The following GCKR variants were observed in gnomAD, a reference collection of about 807,000 sequenced individuals.
GCKR encodes glucokinase regulatory protein.
In GCKR, 73 loss-of-function variants were observed where a neutral mutation model predicts 82.9. The observed-to-expected ratio is 0.88, with a 90% CI of 0.73 to 1.07. The LOEUF (loss-of-function observed/expected upper bound fraction) is 1.07, where lower values mean the gene tolerates loss of function less well. Ranked by LOEUF, GCKR falls within the 50% of genes least tolerant of loss-of-function variation. GCKR has a pLI of 0.00. For missense variants in GCKR, 784 were observed against 782.1 expected (o/e 1.00, Z -0.03); for synonymous variants, 294 against 291.8 (o/e 1.01, Z -0.08).
rs767008458 is a variant in GCKR at position 27,506,512 on chromosome 2, C to T, written c.901C>T (p.Arg301Ter). The change falls in exon 11 of 19, where the codon CGA becomes TGA. Residue 301 changes from arginine to a stop codon, truncating the protein, a stop_gained. Transcript: ENST00000264717. LOFTEE classifies it high-confidence loss of function. ...CLLEILRTFE[R>*]AHQVTYSQSP... Reference sequence around the variant, plus strand: ...CCTGGAAATCTTGCGGACATTTGAGCGAGCTCATCAGGTGACCTACAGCCA... The same window carrying T: ...CCTGGAAATCTTGCGGACATTTGAGTGAGCTCATCAGGTGACCTACAGCCA... 1.2e-5 allele frequency: 20 copies of T among 1,613,716 alleles called. No homozygotes were observed. The highest frequency in any genetic ancestry group is 8.8e-5 in the South Asian group (8 of 91,082).
rs571568249 is a variant in GCKR at position 27,497,584 on chromosome 2, T to C, written c.239T>C (p.Leu80Pro). 107 of 1,613,128 alleles carry C rather than the reference T, an allele frequency of 6.6e-5. 1 individual carries two copies. In the South Asian group the frequency reaches 1.0e-3, roughly 16 times the overall value. Reference sequence around the variant, plus strand: ...CAGAGACTCTACAGCGAATCCATTCTGACCACCATGGTACAGGTGGCTGGG... The same window carrying C: ...CAGAGACTCTACAGCGAATCCATTCCGACCACCATGGTACAGGTGGCTGGG... Reference protein sequence around the residue: ...TYQRLYSESILTTMVQVAGKV... With the variant: ...TYQRLYSESIPTTMVQVAGKV... Residue 80 changes from leucine to proline, a missense_variant, in exon 3 of 19, where the codon CTG becomes CCG. Leu to Pro is a moderately conservative substitution (Grantham distance 98, BLOSUM62 -3). Transcript: ENST00000264717.
chr2:27,507,767 C>A lies in GCKR; in HGVS notation c.1230C>A (p.Phe410Leu), dbSNP rs1043525010. 1.8e-5 allele frequency: 29 copies of A among 1,577,820 alleles called. No individual in the cohort carries two copies. The highest frequency in any genetic ancestry group is 2.4e-5 in the Non-Finnish European group (27 of 1,146,940). ...LTEIDTVVFIFTLDDNLTEVQ... is the reference protein window; with the variant it reads ...LTEIDTVVFILTLDDNLTEVQ... ...AAATCGATACTGTGGTCTTCATTTT[C>A]ACCCTGGATGGTGAGAGGGAAGATG... The change falls in exon 14 of 19, where the codon TTC becomes TTA. Residue 410 changes from phenylalanine to leucine, a missense_variant. Physicochemically the swap from Phe to Leu is conservative, Grantham distance 22. Coordinates refer to ENST00000264717, the MANE Select transcript of GCKR (RefSeq NM_001486.4).
Position 27,507,861 on chromosome 2 carries a change from G to T in GCKR, c.1240+84G>T, listed in dbSNP as rs557660645. 39 of 1,140,156 alleles carry T rather than the reference G, an allele frequency of 3.4e-5. No individual in the cohort carries two copies. The East Asian group carries it at 7.0e-4, about 21-fold the overall frequency. The allele number at this position is 1,140,156 out of a possible 1,614,324, so 70.6% of individuals were successfully genotyped here. ...GAGCTGTTGTTTTTCTGGGTCTTAGGGTACCTGCTCAGAGGGAGGGACGGG... is the reference window on the plus strand; with the variant it reads ...GAGCTGTTGTTTTTCTGGGTCTTAGTGTACCTGCTCAGAGGGAGGGACGGG... On this transcript the variant is annotated intron_variant, in intron 14 of 18. Transcript: ENST00000264717.
intron 16 of GCKR, among the ~76,000 whole-genome samples, chr2:27,515,890 A>G (rs1488552634): frequency 6.6e-6 from 1 of 150,876 alleles, no homozygotes; most frequent in Non-Finnish European, 1.5e-5. Context: ...CAGCCTCCCA[A>G]GTAGCTGGGA....
At chr2:27,511,789 G>A (rs138441260) in intron 16 of GCKR, among the ~76,000 whole-genome samples, 54 of 151,756 alleles carry the variant, frequency 3.6e-4, no homozygotes, top group African/African-American at 1.2e-3. Context: ...TTTGCCTTCC[G>A]AAGTGACAGT....
rs563780879 is a variant in GCKR, at chr2:27,523,562, C to G, written c.*123C>G. 3 of 933,794 alleles carry G rather than the reference C, an allele frequency of 3.2e-6. No individual in the cohort carries two copies. The African/African-American group carries it at 4.8e-5, about 15-fold the overall frequency. The allele number at this position is 933,794 out of a possible 1,614,324, so 57.8% of individuals were successfully genotyped here. A position where few individuals can be genotyped will look rare whatever the true frequency, so the allele number is the denominator to read the frequency against. ...AGCCCCGTTTCCAGGGCATCCGCAG[C>G]CCAGGGTAGGGAGAAATATTCTCTC... On this transcript the variant is annotated 3_prime_UTR_variant, in exon 19 of 19. Coordinates refer to ENST00000264717, the MANE Select transcript of GCKR (RefSeq NM_001486.4).
intron 4 of GCKR, 122 bp from the exon 5 acceptor site, chr2:27,498,602 G>C: frequency 1.4e-6 from 1 of 740,652 alleles, no homozygotes; most frequent in South Asian, 1.5e-5. Context: ...TTCCATGTAG[G>C]ACTGGGTTAA....
chr2:27,498,574 G>T, intron 4 of GCKR, 150 bp from the exon 5 acceptor site: 2 of 702,660 alleles, frequency 2.8e-6, no homozygotes, highest in Non-Finnish European at 2.6e-6. Context: ...TCTCCAAGTA[G>T]CAGCTTTAAG....
At chr2:27,499,576 G>A in intron 7 of GCKR, 126 bp downstream of exon 7, 3 of 813,854 alleles carry the variant, frequency 3.7e-6, no homozygotes, top group Admixed American at 3.5e-5. Flanking sequence ...AGGAATTTTG[G>A]TTTTAGTTTC....
At chr2:27,500,186 G>A (rs1039033301) in intron 7 of GCKR, among the ~76,000 whole-genome samples, 6 of 152,074 alleles carry the variant, frequency 3.9e-5, no homozygotes, top group African/African-American at 1.4e-4. Flanking sequence ...CTCCTCCCAG[G>A]TTCAAGCGAT....
intron 16 of GCKR, among the ~76,000 whole-genome samples, chr2:27,515,765 A>ATATTT (rs1286679766): frequency 9.4e-6 from 1 of 106,930 alleles, no homozygotes; most frequent in African/African-American, 3.8e-5. Context: ...ATATATATAT[A>ATATTT]TTTTTTTTTT....
intron 10 of GCKR, 58 bp from the exon 11 acceptor site, chr2:27,506,423 C>T: frequency 8.7e-7 from 1 of 1,151,598 alleles, no homozygotes; most frequent in Non-Finnish European, 1.3e-6. Context: ...CAGGGAGGCA[C>T]CTAAGCTTTC....
intron 5 of GCKR, among the ~76,000 whole-genome samples, 167 bp downstream of exon 5, chr2:27,498,964 T>C (rs1197383145): frequency 6.6e-6 from 1 of 152,212 alleles, no homozygotes; most frequent in Non-Finnish European, 1.5e-5. Flanking sequence ...CCTGACTGGC[T>C]GTTGTAGGTA....
intron 5 of GCKR, 27 bp downstream of exon 5, chr2:27,498,824 T>A (rs780716821): frequency 2.3e-6 from 3 of 1,277,794 alleles, no homozygotes; most frequent in Non-Finnish European, 3.4e-6. Context: ...TATGAATATT[T>A]TGTTTGACCT....
At chr2:27,519,018 T>C (rs897186939) in intron 17 of GCKR, 81 bp downstream of exon 17, 13 of 1,294,756 alleles carry the variant, frequency 1.0e-5, no homozygotes, top group Admixed American at 1.7e-5. Flanking sequence ...TGTAGAGATA[T>C]GGAAATGTGC....
Position 27,522,461 on chromosome 2 carries a change from G to A in GCKR, c.1574G>A (p.Arg525Gln), listed in dbSNP as rs779275902. ...LFWRALAMLQ[R>Q]FSGQSKARCI... ...CTGATCTTACCACTTCTTCCTTAGC[G>A]GTTCTCTGGACAGTCCAAGGCTCGA... The change falls in exon 18 of 19, where the codon CGG becomes CAG. Residue 525 changes from arginine to glutamine, a missense_variant and splice_region_variant. Arg to Gln is a conservative substitution (Grantham distance 43). Coordinates refer to ENST00000264717, the MANE Select transcript of GCKR (RefSeq NM_001486.4). 2.8e-5 allele frequency: 45 copies of A among 1,613,690 alleles called. 1 individual carries two copies. In the South Asian group the frequency reaches 3.1e-4, roughly 11 times the overall value.
Position 27,523,200 on chromosome 2 carries a change from T to G in GCKR, c.1708-69T>G, listed in dbSNP as rs1203025077. The G allele has an allele frequency of 2.2e-6, 3 of 1,391,930 alleles. No individual in the cohort carries two copies. In the African/African-American group the frequency reaches 4.2e-5, roughly 20 times the overall value. The allele number at this position is 1,391,930 out of a possible 1,614,324, so 86.2% of individuals were successfully genotyped here. A position where few individuals can be genotyped will look rare whatever the true frequency, so the allele number is the denominator to read the frequency against. On this transcript the variant is annotated intron_variant, in intron 18 of 18. Coordinates refer to ENST00000264717, the MANE Select transcript of GCKR (RefSeq NM_001486.4). ...AGGCGTGAGCCACTGCGCCCGACCT[T>G]CCTCCGGGGTTCTTTCTCTGATGAC...
chr2:27,509,512 G>C, intron 16 of GCKR: 1 of 444,486 alleles, frequency 2.2e-6, no homozygotes, highest in Non-Finnish European at 4.6e-6. Context: ...GCTAATTTTT[G>C]TATTTTTTTT....
At position 27,522,510 on chromosome 2, in the gene GCKR, G is replaced by C; in HGVS notation, c.1623G>C (p.Ala541=). Residue 541 remains alanine (A), a synonymous_variant, in exon 18 of 19, where the codon GCG becomes GCC. Coordinates refer to ENST00000264717, the MANE Select transcript of GCKR (RefSeq NM_001486.4). ...GATGCATCGAGAGCCTCCTCCGAGC[G>C]ATCCACTTTCCCCAGCCACTGTCAG... ...KARCIESLLR[A]IHFPQPLSDD... 1.2e-6 allele frequency: 2 copies of C among 1,613,746 alleles called. No individual in the cohort carries two copies. The highest frequency in any genetic ancestry group is 1.1e-5 in the South Asian group (1 of 91,068).
Sources: gnomAD v4.1 joint callset for allele counts (sites outside exome capture counted in the v4.1 genomes callset) on GRCh38, gnomAD v4.1.1 for gene constraint, MANE v1.5 for transcripts, NCBI Gene and HGNC (gene_info 2026-07-23, HGNC 2026-07-21) for gene names.